The following VIT variants were observed in gnomAD, a reference collection of about 807,000 sequenced individuals.
VIT encodes the protein vitrin.
Under a neutral mutation model 78.0 loss-of-function variants are expected in VIT, and 99 were observed. That is an observed-to-expected ratio of 1.27 (90% CI 1.08 to 1.50). The LOEUF is 1.50. Among genes scored for constraint, VIT ranks in the 40% most tolerant of loss-of-function variants. The pLI, the probability that VIT is intolerant of heterozygous loss-of-function variation, is 0.00. For synonymous variants in VIT, 374 were observed against 334.3 expected (o/e 1.12, Z -1.29); for missense variants, 1,126 against 875.3 (o/e 1.29, Z -3.61).
At chr2:36,796,480 T>C (rs1413352168) in intron 12 of VIT, among the ~76,000 whole-genome samples, 1 of 152,184 alleles carries the variant, frequency 6.6e-6, no homozygotes, top group Non-Finnish European at 1.5e-5. Context: ...CTCAGCTGTG[T>C]ATGTGGTAGG....
At chr2:36,734,145 C>T (rs2148495582) in intron 3 of VIT, among the ~76,000 whole-genome samples, 1 of 152,280 alleles carries the variant, frequency 6.6e-6, no homozygotes, top group East Asian at 1.9e-4. Flanking sequence ...CTTTAACCAG[C>T]TCTCCAGGTG....
intron 9 of VIT, among the ~76,000 whole-genome samples, chr2:36,775,275 G>A (rs570770090): frequency 6.6e-6 from 1 of 152,314 alleles, no homozygotes; most frequent in African/African-American, 2.4e-5. Flanking sequence ...GAAAATCTTT[G>A]TCAACGAAGA....
At chr2:36,799,196 G>A (rs1011006355) in intron 12 of VIT, among the ~76,000 whole-genome samples, 1 of 152,198 alleles carries the variant, frequency 6.6e-6, no homozygotes, top group African/African-American at 2.4e-5. Context: ...ATAGAGAGCA[G>A]TTTGGAAAAC....
rs147862115 is a variant in VIT, at chr2:36,715,188, T to C, written c.-18-1165T>C. Among the ~76,000 whole-genome samples the C allele has an allele frequency of 6.0e-3, 911 of 152,322 alleles. 8 individuals are homozygous for C. Among genetic ancestry groups the C allele is most frequent in the African/African-American group, 0.021 (875 of 41,570 alleles). ...GGAATCTCTAGCACTACCCCCCACC[T>C]ACTGGATTAGAACCTGCACTTCAAC... On this transcript the variant is annotated intron_variant, in intron 1 of 15. Transcript: ENST00000379242.
rs1250468958 is a variant in VIT at position 36,808,898 on chromosome 2, C to T, written c.1816C>T (p.Pro606Ser). 6.2e-7 allele frequency: 1 copy of T among 1,614,112 alleles called. No homozygotes were observed. The highest frequency in any genetic ancestry group is 8.5e-7 in the Non-Finnish European group (1 of 1,180,010). Residue 606 changes from proline to serine, a missense_variant, in exon 15 of 16, where the codon CCC (proline) becomes TCC (serine). By Grantham distance (74) the Pro-to-Ser change is moderately conservative. Transcript: ENST00000379242. Reference protein sequence around the residue: ...ALEQLFKKSKPNKRKLMILIT... With the variant: ...ALEQLFKKSKSNKRKLMILIT... ...GGAGCAGCTCTTCAAGAAGTCCAAGCCCAACAAGAGGAAGTTAATGATCCT... is the reference window on the plus strand; with the variant it reads ...GGAGCAGCTCTTCAAGAAGTCCAAGTCCAACAAGAGGAAGTTAATGATCCT...
intron 6 of VIT, among the ~76,000 whole-genome samples, chr2:36,761,522 C>T (rs1409278323): frequency 1.3e-5 from 2 of 152,130 alleles, no homozygotes; most frequent in African/African-American, 2.4e-5. Flanking sequence ...AGGCGGATCG[C>T]GAGGTCAGGA....
At chr2:36,729,036 T>C (rs1667033213) in intron 2 of VIT, among the ~76,000 whole-genome samples, 1 of 152,162 alleles carries the variant, frequency 6.6e-6, no homozygotes, top group Non-Finnish European at 1.5e-5. Context: ...TTTTATACTG[T>C]ATTTTTACTA....
At chr2:36,767,387 G>C in intron 7 of VIT, 102 bp downstream of exon 7, 1 of 1,218,730 alleles carries the variant, frequency 8.2e-7, no homozygotes, top group South Asian at 2.3e-5. Flanking sequence ...GGTGAATGGG[G>C]AGCACTGGAG....
At chr2:36,759,448 G>T in intron 6 of VIT, 1 of 1,231,790 alleles carries the variant, frequency 8.1e-7, no homozygotes, top group South Asian at 1.8e-5. Context: ...TGGTTTATGT[G>T]ATAACAGCAA....
At chr2:36,756,040 C>T (rs892957993) in intron 5 of VIT, among the ~76,000 whole-genome samples, 5 of 149,454 alleles carry the variant, frequency 3.3e-5, no homozygotes, top group Non-Finnish European at 7.4e-5. Context: ...TCACCGCAAC[C>T]TCTGCCTCCT....
rs1189551829 is a variant in VIT at position 36,808,392 on chromosome 2, G to T, written c.1390-80G>T. On this transcript the variant is annotated intron_variant, in intron 14 of 15. Coordinates refer to ENST00000379242, the MANE Select transcript of VIT (RefSeq NM_053276.4). ...CAAGGGCCTGCTTGCTTCTTCACCT[G>T]CCCCGGGGGATCAAGCCTAATGGTG... The T allele has an allele frequency of 4.7e-6, 7 of 1,500,430 alleles. No homozygotes were observed. The East Asian group carries it at 1.7e-4, about 36-fold the overall frequency. The allele number at this position is 1,500,430 out of a possible 1,614,324, so 92.9% of individuals were successfully genotyped here.
intron 3 of VIT, among the ~76,000 whole-genome samples, chr2:36,732,593 G>A (rs1667275705): frequency 6.6e-6 from 1 of 152,114 alleles, no homozygotes. Context: ...TGATGGCAAG[G>A]AAGGCACATT....
At chr2:36,785,399 G>A (rs1161847239) in intron 11 of VIT, among the ~76,000 whole-genome samples, 3 of 151,690 alleles carry the variant, frequency 2.0e-5, no homozygotes, top group Non-Finnish European at 2.9e-5. Flanking sequence ...TGCAAGCCCC[G>A]CCAGAAAAAA....
chr2:36,737,432 C>G (rs1667575457), intron 3 of VIT, among the ~76,000 whole-genome samples: 1 of 152,264 alleles, frequency 6.6e-6, no homozygotes, highest in East Asian at 1.9e-4. Flanking sequence ...AGGAAGACAA[C>G]AATCAGTGAG....
intron 1 of VIT, among the ~76,000 whole-genome samples, chr2:36,711,667 C>T (rs1367045378): frequency 1.3e-5 from 2 of 152,194 alleles, no homozygotes; most frequent in Non-Finnish European, 2.9e-5. Flanking sequence ...ATTCCAGGCT[C>T]TAGAAACTGA....
chr2:36,741,832 C>T (rs771291377), intron 3 of VIT, among the ~76,000 whole-genome samples: 25 of 152,292 alleles, frequency 1.6e-4, no homozygotes, highest in East Asian at 9.7e-4. Context: ...CAGTCCTTCA[C>T]GGACAATTTC....
intron 5 of VIT, 67 bp from the exon 6 acceptor site, chr2:36,758,902 A>T: frequency 7.4e-7 from 1 of 1,350,500 alleles, no homozygotes; most frequent in Non-Finnish European, 1.0e-6. Flanking sequence ...GAATCAACTT[A>T]GTACAGAACC....
intron 4 of VIT, among the ~76,000 whole-genome samples, chr2:36,747,046 T>A (rs534182903): frequency 5.3e-5 from 8 of 152,320 alleles, no homozygotes; most frequent in Admixed American, 1.3e-4. Flanking sequence ...TGCTTTAATT[T>A]CATTGTTTAC....
At chr2:36,778,123 A>T (rs1462647984) in intron 9 of VIT, among the ~76,000 whole-genome samples, 3 of 152,214 alleles carry the variant, frequency 2.0e-5, no homozygotes, top group Non-Finnish European at 2.9e-5. Flanking sequence ...TTTAATTTTT[A>T]AAAAATGTAC....
Sources: allele counts gnomAD v4.1 joint callset (sites outside exome capture counted in the v4.1 genomes callset), GRCh38; gene constraint gnomAD v4.1.1; transcripts MANE v1.5; gene names NCBI Gene and HGNC (gene_info 2026-07-23, HGNC 2026-07-21).